The following PCDHGB4 variants were observed in gnomAD, a reference collection of about 807,000 sequenced individuals.
PCDHGB4 encodes the protein protocadherin gamma subfamily B, 4.
A neutral mutation model predicts 60.5 loss-of-function variants in PCDHGB4; 38 were observed. That is an observed-to-expected ratio of 0.63 (90% CI 0.48 to 0.82). The LOEUF (loss-of-function observed/expected upper bound fraction) is 0.82, where lower values mean the gene tolerates loss of function less well. Ranked by LOEUF, PCDHGB4 falls within the 40% of genes least tolerant of loss-of-function variation. PCDHGB4 has a pLI of 0.00. For synonymous variants in PCDHGB4, 456 were observed against 509.7 expected (o/e 0.89, Z 1.42); for missense variants, 1,109 against 1,209.6 (o/e 0.92, Z 1.23).
rs745334496 is a variant in PCDHGB4 at position 141,478,302 on chromosome 5, C to A, written c.2398-16505C>A. 47 of 1,613,952 alleles carry A rather than the reference C, an allele frequency of 2.9e-5. 1 individual carries two copies. In the Admixed American group the frequency reaches 7.0e-4, roughly 24 times the overall value. On this transcript the variant is annotated intron_variant, in intron 1 of 3. Transcript: ENST00000519479. ...AAGCAGTCTAGAGACCTATACCGAGCCCCGGTGAGCTCACTGTACCGAACA... is the reference window on the plus strand; with the variant it reads ...AAGCAGTCTAGAGACCTATACCGAGACCCGGTGAGCTCACTGTACCGAACA...
At chr5:141,400,217 T>A (rs771117256) in intron 1 of PCDHGB4, 1 of 1,613,916 alleles carries the variant, frequency 6.2e-7, no homozygotes, top group Non-Finnish European at 8.5e-7. Flanking sequence ...TTGATCTCAG[T>A]GCTCTTCCTC....
chr5:141,471,206 T>C (rs113465424), intron 1 of PCDHGB4: 16,891 of 151,686 alleles, frequency 0.11, 970 homozygotes, highest in South Asian at 0.15. Context: ...CCCACCCCCA[T>C]GCCTGGCAAT....
chr5:141,410,852 T>A, intron 1 of PCDHGB4: 1 of 284,264 alleles, frequency 3.5e-6, no homozygotes. Context: ...TCTTTGTCTT[T>A]TTTTTTTTTT....
At chr5:141,419,259 CG>C in intron 1 of PCDHGB4, 1 of 1,614,016 alleles carries the variant, frequency 6.2e-7, no homozygotes, top group Non-Finnish European at 8.5e-7. Context: ...AACAACCAGC[CG>C]GGTGCCTCCA....
At chr5:141,428,008 T>C (rs2097099623) in intron 1 of PCDHGB4, 4 of 1,601,848 alleles carry the variant, frequency 2.5e-6, no homozygotes, top group Admixed American at 3.3e-5. Context: ...CTCTTCGATA[T>C]AGTGCCACGC....
intron 1 of PCDHGB4, chr5:141,422,396 A>G (rs767394630): frequency 6.3e-6 from 10 of 1,597,278 alleles, no homozygotes; most frequent in Non-Finnish European, 8.5e-6. Flanking sequence ...ATTCCTAACC[A>G]CCTGCCTTTT....
intron 1 of PCDHGB4, chr5:141,391,295 G>A (rs1373471979): frequency 6.6e-6 from 1 of 151,134 alleles, no homozygotes; most frequent in Non-Finnish European, 1.5e-5. Context: ...AGAAGGAAAC[G>A]TCTTTCGATT....
intron 2 of PCDHGB4, among the ~76,000 whole-genome samples, chr5:141,501,290 T>TACACATACAC (rs1224133816): frequency 4.6e-4 from 62 of 136,246 alleles, no homozygotes; most frequent in Admixed American, 7.0e-4. Flanking sequence ...TATTCCCTTA[T>TACACATACAC]ACACACACAC....
rs765185360 is a variant in PCDHGB4, at chr5:141,491,451, C to T, written c.2398-3356C>T. 1.2e-6 allele frequency: 2 copies of T among 1,614,112 alleles called. No individual in the cohort carries two copies. The highest frequency in any genetic ancestry group is 1.1e-5 in the South Asian group (1 of 91,082). On this transcript the variant is annotated intron_variant, in intron 1 of 3. Coordinates refer to ENST00000519479, the MANE Select transcript of PCDHGB4 (RefSeq NM_003736.4). This position sits in a 1 kb window ranked among gnomAD's most constrained non-coding sequence, Gnocchi z 6.9. ...AGTGCTGCAGGCGCCAGGACTCACC[C>T]TCCCCGGACTTCTATAAGCAGTCCA...
intron 1 of PCDHGB4, among the ~76,000 whole-genome samples, chr5:141,454,658 G>A (rs961640658): frequency 7.2e-5 from 11 of 151,812 alleles, no homozygotes; most frequent in Admixed American, 6.6e-5. Context: ...TGCCCACCTC[G>A]GCCTCCCAAA....
At position 141,437,741 on chromosome 5, in the gene PCDHGB4, C is replaced by CTT. The variant is rs35124340; in HGVS notation, c.2397+47474_2397+47475dup. 4.3e-3 allele frequency among the ~76,000 whole-genome samples: 606 copies of CTT among 141,726 alleles called. 5 individuals are homozygous for CTT. The highest frequency in any genetic ancestry group is 0.012 in the Admixed American group (164 of 14,230). 93.0% of individuals were successfully genotyped at this position (141,726 alleles called of 152,430 possible). A position where few individuals can be genotyped will look rare whatever the true frequency, so the allele number is the denominator to read the frequency against. On this transcript the variant is annotated intron_variant, in intron 1 of 3. Transcript: ENST00000519479. ...CTCTAATGTTACACTTTGAGTTCAC[C>CTT]TTTTTTTTTTTTTTTGAGACAGAGT...
intron 2 of PCDHGB4, among the ~76,000 whole-genome samples, chr5:141,495,377 G>A (rs558501090): frequency 1.9e-4 from 29 of 152,330 alleles, no homozygotes; most frequent in Admixed American, 6.5e-4. Flanking sequence ...ACTGAGGAAG[G>A]ACTGGGCGGG....
rs144113016 is a variant in PCDHGB4 at position 141,428,135 on chromosome 5, G to T, written c.2397+37854G>T. On this transcript the variant is annotated intron_variant, in intron 1 of 3. Coordinates refer to ENST00000519479, the MANE Select transcript of PCDHGB4 (RefSeq NM_003736.4). Reference sequence around the variant, plus strand: ...CCATCGAGCCCGGGCTTTTCAGCCTGGGGCTGCACACGGGAACCTGCTGGT... The same window carrying T: ...CCATCGAGCCCGGGCTTTTCAGCCTTGGGCTGCACACGGGAACCTGCTGGT... 347 of 1,601,046 alleles carry T rather than the reference G, an allele frequency of 2.2e-4. No homozygotes were observed. The African/African-American group carries it at 3.9e-3, about 18-fold the overall frequency.
chr5:141,393,088 G>C (rs760420305), intron 1 of PCDHGB4: 4 of 1,613,648 alleles, frequency 2.5e-6, no homozygotes, highest in South Asian at 1.1e-5. Context: ...AGGATAGATC[G>C]GGAGGAGCTC....
intron 2 of PCDHGB4, among the ~76,000 whole-genome samples, chr5:141,501,877 A>G (rs1267260445): frequency 1.3e-5 from 2 of 151,690 alleles, no homozygotes; most frequent in East Asian, 3.9e-4. Flanking sequence ...GCCTCCTTAC[A>G]CTCCTGATCA....
Position 141,483,506 on chromosome 5 carries a change from T to A in PCDHGB4, c.2398-11301T>A, listed in dbSNP as rs964063329. ...AGGGACAGGGATGAGTCAAGGCTGA[T>A]CCCCCTAGATCCTGACTAAGGAAGC... On this transcript the variant is annotated intron_variant, in intron 1 of 3. Coordinates refer to ENST00000519479, the MANE Select transcript of PCDHGB4 (RefSeq NM_003736.4). Among the ~76,000 whole-genome samples the A allele has an allele frequency of 2.7e-5, 4 of 148,396 alleles. No individual in the cohort carries two copies. In the South Asian group the frequency reaches 8.5e-4, roughly 32 times the overall value.
intron 1 of PCDHGB4, among the ~76,000 whole-genome samples, chr5:141,475,253 A>C (rs2099360990): frequency 6.6e-6 from 1 of 152,200 alleles, no homozygotes; most frequent in Non-Finnish European, 1.5e-5. Flanking sequence ...GTGCTCTACA[A>C]CTGAGATCAT....
At chr5:141,425,110 C>T (rs1335909720) in intron 1 of PCDHGB4, among the ~76,000 whole-genome samples, 1 of 152,166 alleles carries the variant, frequency 6.6e-6, no homozygotes, top group East Asian at 1.9e-4. Context: ...CAGATGCCTA[C>T]ATTTTTCTTG....
At chr5:141,395,277 A>G (rs758440707) in intron 1 of PCDHGB4, 2 of 1,542,838 alleles carry the variant, frequency 1.3e-6, no homozygotes, top group East Asian at 2.3e-5. Flanking sequence ...TTCCAGATGA[A>G]TTTTATTTGG....
Sources: allele counts gnomAD v4.1 joint callset (sites outside exome capture counted in the v4.1 genomes callset), GRCh38; gene constraint gnomAD v4.1.1; non-coding constraint Gnocchi (gnomAD v3.1); transcripts MANE v1.5; gene names NCBI Gene and HGNC (gene_info 2026-07-23, HGNC 2026-07-21).